FTO: variants seen among roughly 807,000 people sequenced by gnomAD.
FTO encodes the protein alpha-ketoglutarate-dependent dioxygenase FTO.
In FTO, 47 loss-of-function variants were observed where a neutral mutation model predicts 63.9. The observed-to-expected ratio is 0.74, with a 90% CI of 0.58 to 0.94. The LOEUF (loss-of-function observed/expected upper bound fraction) is 0.94, where lower values mean the gene tolerates loss of function less well. FTO is among the 40% of genes least tolerant of loss of function. The pLI is 0.00. For synonymous variants in FTO, 207 were observed against 224.4 expected, an observed-to-expected ratio of 0.92 and a Z score of 0.69; for missense variants, 562 against 618.1, an observed-to-expected ratio of 0.91 and a Z score of 0.96.
intron 8 of FTO, among the ~76,000 whole-genome samples, chr16:53,951,847 C>G (rs373116802): frequency 6.6e-6 from 1 of 151,188 alleles, no homozygotes; most frequent in African/African-American, 2.4e-5. Context: ...AAGAAAAATG[C>G]TAGAAATGCA....
At chr16:53,891,404 T>A (rs1232470123) in intron 7 of FTO, among the ~76,000 whole-genome samples, 1 of 152,030 alleles carries the variant, frequency 6.6e-6, no homozygotes, top group Non-Finnish European at 1.5e-5. Flanking sequence ...CTAATGCCTG[T>A]CTTCTCAGCA....
chr16:53,817,711 G>A (rs1005483274), intron 2 of FTO, among the ~76,000 whole-genome samples: 2 of 152,046 alleles, frequency 1.3e-5, no homozygotes, highest in South Asian at 4.1e-4. Context: ...AGCATCTCTT[G>A]ATATGGGAGG....
chr16:54,090,354 T>C (rs892065814), intron 8 of FTO, among the ~76,000 whole-genome samples: 25 of 152,258 alleles, frequency 1.6e-4, no homozygotes, highest in Middle Eastern at 3.4e-3. Flanking sequence ...ACAAAGTAGA[T>C]GATAGGTTAC....
intron 4 of FTO, among the ~76,000 whole-genome samples, chr16:53,869,427 G>C (rs551368707): frequency 6.6e-6 from 1 of 151,670 alleles, no homozygotes; most frequent in Non-Finnish European, 1.5e-5. Context: ...ATTAATTTAA[G>C]AATATTCTTA....
At chr16:54,037,685 T>C (rs943798444) in intron 8 of FTO, among the ~76,000 whole-genome samples, 25 of 152,216 alleles carry the variant, frequency 1.6e-4, no homozygotes, top group African/African-American at 6.0e-4. Context: ...AATAGGTGGT[T>C]TAAATTTTAT....
intron 4 of FTO, among the ~76,000 whole-genome samples, chr16:53,856,497 T>TA (rs1190154890): frequency 2.0e-5 from 3 of 152,034 alleles, no homozygotes; most frequent in Non-Finnish European, 4.4e-5. Context: ...AACTCTTTTA[T>TA]AAAAACAATT....
intron 7 of FTO, among the ~76,000 whole-genome samples, chr16:53,889,289 A>T (rs936155263): frequency 3.9e-5 from 6 of 152,198 alleles, no homozygotes; most frequent in South Asian, 2.1e-4. Flanking sequence ...ACTTTAAAAA[A>T]TTTTTACAGC....
In FTO at chr16:53,972,868, C is replaced by T. The variant is rs191857170; in HGVS notation, c.1364+38759C>T. ...GAATAGTAGAGATACCATTGTCTGA[C>T]AGCCACTGTAAAGCCATATGGAGCT... On this transcript the variant is annotated intron_variant, in intron 8 of 8. Coordinates refer to ENST00000471389, the MANE Select transcript of FTO (RefSeq NM_001080432.3). Among the ~76,000 whole-genome samples the T allele has an allele frequency of 1.3e-4, 20 of 152,322 alleles. No homozygotes were observed. In the East Asian group the frequency reaches 3.9e-3, roughly 29 times the overall value.
At chr16:53,992,844 A>G (rs534960201) in intron 8 of FTO, 2 of 152,314 alleles carry the variant, frequency 1.3e-5, no homozygotes, top group African/African-American at 4.8e-5. Context: ...GAATGGTGTT[A>G]TATGGTCATG....
rs1403907291 is a variant in FTO, at chr16:54,119,132, C to A, written c.*7217C>A. The A allele has an allele frequency of 1.3e-5, 2 of 152,158 alleles. No individual in the cohort carries two copies. Among genetic ancestry groups the A allele is most frequent in the Non-Finnish European group, 2.9e-5 (2 of 68,046 alleles). 9.4% of individuals were successfully genotyped at this position (152,158 alleles called of 1,614,324 possible). A position where few individuals can be genotyped will look rare whatever the true frequency, so the allele number is the denominator to read the frequency against. ...CTCTTTAGGTTTTTCAGACTCCATG[C>A]ACCCTGTGGAAACTGCCTTTCTTGA... On this transcript the variant is annotated 3_prime_UTR_variant, in exon 9 of 9. Coordinates refer to ENST00000471389, the MANE Select transcript of FTO (RefSeq NM_001080432.3).
At chr16:53,748,657 T>C (rs544471840) in intron 1 of FTO, among the ~76,000 whole-genome samples, 1 of 152,296 alleles carries the variant, frequency 6.6e-6, no homozygotes, top group Admixed American at 6.5e-5. Flanking sequence ...GGTATCGCCA[T>C]GTTGGCCAGG....
chr16:53,979,560 TGTGTGTGC>T, intron 8 of FTO: 5 of 392,454 alleles, frequency 1.3e-5, no homozygotes, highest in Non-Finnish European at 1.8e-5. Flanking sequence ...TGTGTGTGTG[TGTGTGTGC>T]GCGCGTGTGT....
chr16:53,977,627 G>C (rs1261486695), intron 8 of FTO, among the ~76,000 whole-genome samples: 1 of 152,142 alleles, frequency 6.6e-6, no homozygotes, highest in African/African-American at 2.4e-5. Context: ...AAAGGCATGA[G>C]TTTACTCTTT....
chr16:53,748,607 A>C (rs1280233404), intron 1 of FTO, among the ~76,000 whole-genome samples: 2 of 152,014 alleles, frequency 1.3e-5, no homozygotes, highest in East Asian at 3.9e-4. Context: ...GGTGTGCACC[A>C]CCATGCCTGG....
At chr16:53,784,984 C>G (rs538178624) in intron 1 of FTO, among the ~76,000 whole-genome samples, 2 of 152,084 alleles carry the variant, frequency 1.3e-5, no homozygotes, top group African/African-American at 4.8e-5. Flanking sequence ...AAGTTTTTTT[C>G]TTAGAGGAGT....
chr16:54,096,583 C>T (rs1015209692), intron 8 of FTO, among the ~76,000 whole-genome samples: 10 of 152,208 alleles, frequency 6.6e-5, no homozygotes, highest in Non-Finnish European at 1.3e-4. Context: ...TGACACATAT[C>T]GCTCAGAGGA....
chr16:53,860,597 GGAGGAA>G (rs1445594834), intron 4 of FTO, among the ~76,000 whole-genome samples: 1 of 152,158 alleles, frequency 6.6e-6, no homozygotes, highest in African/African-American at 2.4e-5. Context: ...GCCCGGAGCA[GGAGGAA>G]GAGAGAGTGA....
chr16:54,068,012 T>G (rs1329869699), intron 8 of FTO, among the ~76,000 whole-genome samples: 1 of 152,112 alleles, frequency 6.6e-6, no homozygotes, highest in African/African-American at 2.4e-5. Context: ...TAACTGGGGC[T>G]TGCTGCTTTC....
At chr16:53,931,517 A>T (rs1400871017) in intron 7 of FTO, among the ~76,000 whole-genome samples, 1 of 151,990 alleles carries the variant, frequency 6.6e-6, no homozygotes, top group African/African-American at 2.4e-5. Context: ...CATGTTGGCC[A>T]GGCTGGTCTT....
Sources: allele counts gnomAD v4.1 joint callset (sites outside exome capture counted in the v4.1 genomes callset), GRCh38; gene constraint gnomAD v4.1.1; transcripts MANE v1.5; gene names NCBI Gene and HGNC (gene_info 2026-07-23, HGNC 2026-07-21).